Variants in MAPRE3 observed in about 807,000 individuals in gnomAD.
MAPRE3 encodes the protein microtubule associated protein RP/EB family member 3.
In MAPRE3, 2 loss-of-function variants were observed where a neutral mutation model predicts 30.5. The ratio of observed to expected loss-of-function variants is 0.07; its 90% CI spans 0.03 to 0.21. The LOEUF (loss-of-function observed/expected upper bound fraction) is 0.21. MAPRE3 is among the 10% of genes least tolerant of loss of function. The pLI is 1.00. For missense variants in MAPRE3, 204 were observed against 351.8 expected, an observed-to-expected ratio of 0.58 and a Z score of 3.36; for synonymous variants, 110 against 127.7, an observed-to-expected ratio of 0.86 and a Z score of 0.93.
At chr2:27,011,758 A>T (rs979627938) in intron 1 of MAPRE3, 3 of 141,866 alleles carry the variant, frequency 2.1e-5, no homozygotes, top group African/African-American at 7.8e-5. Context: ...AGGCAGGAGG[A>T]TTGCTTGAAC....
chr2:27,005,650 T>C (rs1311728001), intron 1 of MAPRE3, among the ~76,000 whole-genome samples: 1 of 152,210 alleles, frequency 6.6e-6, no homozygotes, highest in Non-Finnish European at 1.5e-5. Flanking sequence ...GAATTAATTA[T>C]CTAACTCTTC....
chr2:26,991,273 C>T (rs1666337581), intron 1 of MAPRE3, among the ~76,000 whole-genome samples: 1 of 152,020 alleles, frequency 6.6e-6, no homozygotes, highest in African/African-American at 2.4e-5. Context: ...GAGATCCAAA[C>T]AGATTGTAGG....
At position 26,985,926 on chromosome 2, in the gene MAPRE3, G is replaced by A. The variant is rs1453352355; in HGVS notation, c.-8+15124G>A. ...GAGCAGATTCCCCCAAGAGCCTTCAGAGGGAGGGCAGCCCTACCGATGCTG... is the reference window on the plus strand; with the variant it reads ...GAGCAGATTCCCCCAAGAGCCTTCAAAGGGAGGGCAGCCCTACCGATGCTG... On this transcript the variant is annotated intron_variant, in intron 1 of 6. Transcript: ENST00000233121. This position sits in a 1 kb window ranked among gnomAD's most constrained non-coding sequence, Gnocchi z 4.2. Among the ~76,000 whole-genome samples the A allele has an allele frequency of 6.6e-6, 1 of 152,180 alleles. No homozygotes were observed. The highest frequency in any genetic ancestry group is 2.4e-5 in the African/African-American group (1 of 41,450).
At chr2:26,983,288 C>A (rs1171174761) in intron 1 of MAPRE3, among the ~76,000 whole-genome samples, 2 of 152,224 alleles carry the variant, frequency 1.3e-5, no homozygotes, top group African/African-American at 2.4e-5. Flanking sequence ...CCACTGGGTT[C>A]CAAGCTTAGG....
At chr2:27,001,593 G>A (rs1337259584) in intron 1 of MAPRE3, among the ~76,000 whole-genome samples, 5 of 152,048 alleles carry the variant, frequency 3.3e-5, no homozygotes, top group Admixed American at 6.5e-5. Context: ...GAAAGGGTAC[G>A]GTGAACTATG....
chr2:26,974,187 C>T (rs146987617), intron 1 of MAPRE3, among the ~76,000 whole-genome samples: 4 of 152,258 alleles, frequency 2.6e-5, no homozygotes, highest in Middle Eastern at 3.4e-3. Flanking sequence ...CACCACATTG[C>T]CTCATCCCTC....
intron 1 of MAPRE3, among the ~76,000 whole-genome samples, chr2:26,972,761 T>TA (rs1665939507): frequency 6.6e-6 from 1 of 152,226 alleles, no homozygotes; most frequent in Non-Finnish European, 1.5e-5. Context: ...CAGGAGGGTG[T>TA]AAGTAAAATG....
chr2:27,008,509 A>C (rs1377999107), intron 1 of MAPRE3, among the ~76,000 whole-genome samples: 1 of 152,212 alleles, frequency 6.6e-6, no homozygotes, highest in African/African-American at 2.4e-5. Context: ...AGGGAAAAAG[A>C]AGCAGGAATC....
intron 1 of MAPRE3, among the ~76,000 whole-genome samples, chr2:27,019,562 A>G (rs910594436): frequency 6.6e-6 from 1 of 152,236 alleles, no homozygotes; most frequent in Non-Finnish European, 1.5e-5. Flanking sequence ...GGTGAGCGCA[A>G]GGGCCAAGAT....
intron 1 of MAPRE3, among the ~76,000 whole-genome samples, chr2:26,980,165 T>G (rs923861196): frequency 4.6e-5 from 7 of 152,110 alleles, no homozygotes; most frequent in African/African-American, 1.7e-4. Flanking sequence ...GAAGAGAGTT[T>G]CAGTGCTGCT....
chr2:26,981,616 T>A (rs1666113438), intron 1 of MAPRE3, among the ~76,000 whole-genome samples: 1 of 151,962 alleles, frequency 6.6e-6, no homozygotes, highest in Non-Finnish European at 1.5e-5. Flanking sequence ...ATCTCAGGAG[T>A]CGAGCTGTGC....
In MAPRE3 at chr2:27,026,300, G is replaced by A; in HGVS notation, c.798G>A (p.Glu266=). 1 of 1,614,026 alleles carries A rather than the reference G, an allele frequency of 6.2e-7. No homozygotes were observed. Among genetic ancestry groups the A allele is most frequent in the South Asian group, 1.1e-5 (1 of 91,066 alleles). ...TCCAGGAAGGATTCGCACCCCCTGA[G>A]GACGATGAGATTGAAGAGCATCAAC... ...YATEEGFAPP[E]DDEIEEHQQE... Residue 266 remains glutamate, a synonymous_variant, in exon 7 of 7, where the codon GAG becomes GAA. Transcript: ENST00000233121.
At chr2:27,000,567 T>A (rs569195426) in intron 1 of MAPRE3, among the ~76,000 whole-genome samples, 1 of 152,368 alleles carries the variant, frequency 6.6e-6, no homozygotes, top group African/African-American at 2.4e-5. Flanking sequence ...CCTAATAATG[T>A]ATGAAGTACT....
chr2:27,000,541 C>T (rs1030453118), intron 1 of MAPRE3, among the ~76,000 whole-genome samples: 1 of 152,192 alleles, frequency 6.6e-6, no homozygotes, highest in Non-Finnish European at 1.5e-5. Context: ...AGGAAAATAA[C>T]TTGCCATTTT....
At chr2:26,975,337 G>C (rs1427352159) in intron 1 of MAPRE3, among the ~76,000 whole-genome samples, 1 of 152,166 alleles carries the variant, frequency 6.6e-6, no homozygotes, top group Non-Finnish European at 1.5e-5. Context: ...AGATCCAGGG[G>C]GCAAGGGAAA....
chr2:27,025,649 C>G lies in MAPRE3; in HGVS notation c.536C>G (p.Ala179Gly). 2 of 1,605,168 alleles carry G rather than the reference C, an allele frequency of 1.2e-6. No homozygotes were observed. Among genetic ancestry groups the G allele is most frequent in the East Asian group, 2.2e-5 (1 of 44,834 alleles). ...ACCTCTGGCCGGCTGAGCAATGTGG[C>G]CCCCCCCTGCATTCTCCGGAAGAAT... The part of the protein sequence containing the change: ...MQTSGRLSNV[A>G]PPCILRKNPP... Residue 179 changes from alanine (A) to glycine (G), a missense_variant, in exon 5 of 7, where the codon GCC (alanine) becomes GGC (glycine). This residue lies in a region of MAPRE3 where 32 missense variants were observed against 20.7 expected (regional missense o/e 1.55). Coordinates refer to ENST00000233121, the MANE Select transcript of MAPRE3 (RefSeq NM_012326.4).
rs764167314 is a variant in MAPRE3, at chr2:27,022,389, A to G, written c.121+50A>G. On this transcript the variant is annotated intron_variant, in intron 2 of 6. Transcript: ENST00000233121. The stretch of plus-strand genomic sequence containing the variant: ...TGGCCCTGCTGGAAGGAAAGGAAAG[A>G]AAGGTCGGAAGGCAGAGCAGCCACA... 5.9e-5 allele frequency: 95 copies of G among 1,605,098 alleles called. 1 individual carries two copies. In the Middle Eastern group the frequency reaches 2.8e-3, roughly 48 times the overall value.
intron 1 of MAPRE3, among the ~76,000 whole-genome samples, chr2:26,979,844 T>A (rs1261194281): frequency 6.6e-6 from 1 of 152,088 alleles, no homozygotes; most frequent in East Asian, 1.9e-4. Flanking sequence ...AGAGACAGTT[T>A]GGAAAGGAGT....
At chr2:26,978,832 C>T (rs1666063473) in intron 1 of MAPRE3, among the ~76,000 whole-genome samples, 1 of 152,186 alleles carries the variant, frequency 6.6e-6, no homozygotes, top group African/African-American at 2.4e-5. Flanking sequence ...AACCCTTGTC[C>T]ATGAGGAGGC....
Sources: allele counts gnomAD v4.1 joint callset (sites outside exome capture counted in the v4.1 genomes callset), GRCh38; gene constraint gnomAD v4.1.1; regional missense constraint gnomAD v4.1.1; non-coding constraint Gnocchi (gnomAD v3.1); transcripts MANE v1.5; gene names NCBI Gene and HGNC (gene_info 2026-07-23, HGNC 2026-07-21).